The following SLC35B4 variants were observed in gnomAD, a reference collection of about 807,000 sequenced individuals.
SLC35B4 encodes solute carrier family 35 member B4.
SLC35B4 carries 28 observed loss-of-function variants against 39.5 expected under a neutral mutation model. That is an observed-to-expected ratio of 0.71 (90% CI 0.53 to 0.97). The LOEUF is 0.97. Among genes scored for constraint, SLC35B4 ranks in the 50% least tolerant of loss-of-function variants. SLC35B4 has a pLI of 0.00. For missense variants in SLC35B4, 334 were observed against 414.3 expected (o/e 0.81, Z 1.68); for synonymous variants, 145 against 150.4 (o/e 0.96, Z 0.26).
At position 134,302,065 on chromosome 7, in the gene SLC35B4, C is replaced by G. The variant is rs746691807; in HGVS notation, c.390G>C (p.Gly130=). 8 of 1,613,860 alleles carry G rather than the reference C, an allele frequency of 5.0e-6. No homozygotes were observed. Among genetic ancestry groups the G allele is most frequent in the Non-Finnish European group, 6.8e-6 (8 of 1,179,948 alleles). ...CTGACATAAAAGTGCAAATAAATAT[C>G]CCCACAGACACCAGGGCAATGGAGG... The part of the protein sequence containing the change: ...KYTSIALVSV[G]IFICTFMSAK... Residue 130 remains glycine (G), a synonymous_variant, in exon 5 of 10, where the codon GGG becomes GGC. Transcript: ENST00000378509.
At position 134,309,448 on chromosome 7, in the gene SLC35B4, A is replaced by T; in HGVS notation, c.109T>A (p.Phe37Ile). The T allele has an allele frequency of 6.2e-7, 1 of 1,611,126 alleles. No homozygotes were observed. The highest frequency in any genetic ancestry group is 8.5e-7 in the Non-Finnish European group (1 of 1,179,628). Residue 37 changes from phenylalanine to isoleucine, a missense_variant, in exon 2 of 10, where the codon TTT becomes ATT. Coordinates refer to ENST00000378509, the MANE Select transcript of SLC35B4 (RefSeq NM_032826.5). ...ACAGCAATAAATAAAAATTGTGCAAATGTCACAATGTTCCCACATCCTGGA... is the reference window on the plus strand; with the variant it reads ...ACAGCAATAAATAAAAATTGTGCAATTGTCACAATGTTCCCACATCCTGGA... ...KHPGCGNIVTFAQFLFIAVEG... is the reference protein window; with the variant it reads ...KHPGCGNIVTIAQFLFIAVEG...
rs192614143 is a variant in SLC35B4, at chr7:134,309,221, T to C, written c.191+145A>G. 1.3e-3 allele frequency: 773 copies of C among 575,504 alleles called. 1 individual carries two copies. The highest frequency in any genetic ancestry group is 2.3e-3 in the Admixed American group (66 of 28,810). The allele number at this position is 575,504 out of a possible 1,614,324, so 35.6% of individuals were successfully genotyped here. On this transcript the variant is annotated intron_variant, in intron 2 of 9. Coordinates refer to ENST00000378509, the MANE Select transcript of SLC35B4 (RefSeq NM_032826.5). ...AGGTACCCCGGATTTTCACAACATA[T>C]TAAATTCAGAAAATGACTTATTATT...
chr7:134,299,533 G>C lies in SLC35B4; in HGVS notation c.663C>G (p.Phe221Leu). ...ASDIYDHAVL[F>L]NKSELYEIPV... is the part of the protein sequence containing the mutation. ...TAACCCCAAACTCACCAGACTTATT[G>C]AATAGAACTGCATGGTCATAAATAT... Residue 221 changes from phenylalanine (F) to leucine (L), a missense_variant, in exon 8 of 10, where the codon TTC becomes TTG. Phe to Leu is a conservative substitution (Grantham distance 22, BLOSUM62 0). Coordinates refer to ENST00000378509, the MANE Select transcript of SLC35B4 (RefSeq NM_032826.5). 2 of 1,613,562 alleles carry C rather than the reference G, an allele frequency of 1.2e-6. No individual in the cohort carries two copies. The highest frequency in any genetic ancestry group is 2.2e-5 in the South Asian group (2 of 91,034).
At position 134,290,291 on chromosome 7, in the gene SLC35B4, G is replaced by C. The variant is rs1042992732; in HGVS notation, c.*4542C>G. On this transcript the variant is annotated 3_prime_UTR_variant, in exon 10 of 10. Transcript: ENST00000378509. The stretch of plus-strand genomic sequence containing the variant: ...CCCAATAGTCGTTCTTCCTTCTCTT[G>C]CTTGGAATGTTAAAAATGTTTCCCC... 3.9e-5 allele frequency: 6 copies of C among 152,072 alleles called. No individual in the cohort carries two copies. The highest frequency in any genetic ancestry group is 1.2e-4 in the African/African-American group (5 of 41,400). 9.4% of individuals were successfully genotyped at this position (152,072 alleles called of 1,614,324 possible). A position where few individuals can be genotyped will look rare whatever the true frequency, so the allele number is the denominator to read the frequency against.
upstream of SLC35B4, among the ~76,000 whole-genome samples, chr7:134,319,911 G>A (rs114800586): frequency 9.8e-3 from 1,489 of 151,952 alleles, 19 homozygotes; most frequent in African/African-American, 0.034. Flanking sequence ...CATTCCCATT[G>A]ACATCCACTT....
intron 6 of SLC35B4, 134 bp downstream of exon 6, chr7:134,301,627 T>C (rs1436745412): frequency 5.2e-6 from 4 of 776,500 alleles, no homozygotes; most frequent in Non-Finnish European, 8.6e-6. Context: ...CAGAGAAATA[T>C]GATCCCAGGT....
In SLC35B4 at chr7:134,295,024, C is replaced by T. The variant is rs752530751; in HGVS notation, c.805G>A (p.Val269Ile). ...TTGCGTAGGGTCACGACGAGCGTGA[C>T]GGTGAGGGAGGCGCATTCTGTGGTG... ...ILTTECASLT[V>I]TLVVTLRKFV... The change falls in exon 10 of 10, where the codon GTC becomes ATC. Residue 269 changes from valine to isoleucine, a missense_variant. Coordinates refer to ENST00000378509, the MANE Select transcript of SLC35B4 (RefSeq NM_032826.5). The T allele has an allele frequency of 4.3e-6, 7 of 1,614,006 alleles. No homozygotes were observed. The highest frequency in any genetic ancestry group is 2.2e-5 in the South Asian group (2 of 91,078).
chr7:134,312,517 G>A (rs1803868310), intron 1 of SLC35B4, among the ~76,000 whole-genome samples: 1 of 152,124 alleles, frequency 6.6e-6, no homozygotes, highest in South Asian at 2.1e-4. Flanking sequence ...TGATGGGACA[G>A]ACCATGTCCC....
chr7:134,314,515 G>A (rs1646676), intron 1 of SLC35B4, among the ~76,000 whole-genome samples: 73,707 of 152,054 alleles, frequency 0.48, 18,227 homozygotes, highest in Admixed American at 0.55. Context: ...TGGCTGGCCC[G>A]ATGGTATCAC....
At chr7:134,315,725 T>C (rs1361870962) in intron 1 of SLC35B4, among the ~76,000 whole-genome samples, 2 of 151,854 alleles carry the variant, frequency 1.3e-5, no homozygotes, top group South Asian at 4.2e-4. Flanking sequence ...TTGTAATGTA[T>C]AGATTCAGAA....
intron 3 of SLC35B4, among the ~76,000 whole-genome samples, chr7:134,305,491 T>G (rs1218861106): frequency 6.6e-6 from 1 of 152,172 alleles, no homozygotes; most frequent in Non-Finnish European, 1.5e-5. Context: ...TTTGCATATT[T>G]GTGGACCCAC....
rs1368037896 is a variant in SLC35B4 at position 134,299,721 on chromosome 7, G to C, written c.598-123C>G. ...CAGCAATACAAAGAAAAGCAAGTTA[G>C]ACTTAAGTTAAATGTATACAGTGCT... On this transcript the variant is annotated intron_variant, in intron 7 of 9. Coordinates refer to ENST00000378509, the MANE Select transcript of SLC35B4 (RefSeq NM_032826.5). 1.1e-5 allele frequency: 9 copies of C among 783,162 alleles called. No individual in the cohort carries two copies. The East Asian group carries it at 2.4e-4, about 21-fold the overall frequency. 48.5% of individuals were successfully genotyped at this position (783,162 alleles called of 1,614,324 possible). A position where few individuals can be genotyped will look rare whatever the true frequency, so the allele number is the denominator to read the frequency against.
At chr7:134,299,129 G>A (rs184639144) in intron 8 of SLC35B4, among the ~76,000 whole-genome samples, 1 of 152,234 alleles carries the variant, frequency 6.6e-6, no homozygotes, top group Non-Finnish European at 1.5e-5. Context: ...CTGGATCTGT[G>A]AGCAGCTCTG....
chr7:134,299,565 C>G lies in SLC35B4; in HGVS notation c.631G>C (p.Ala211Pro), dbSNP rs1803533560. 5.0e-6 allele frequency: 8 copies of G among 1,613,752 alleles called. No individual in the cohort carries two copies. Among genetic ancestry groups the G allele is most frequent in the Non-Finnish European group, 6.8e-6 (8 of 1,179,902 alleles). The change falls in exon 8 of 10, where the codon GCT becomes CCT. Residue 211 changes from alanine (A) to proline (P), a missense_variant. By Grantham distance (27) the Ala-to-Pro change is conservative. Transcript: ENST00000378509. ...ACTGCATGGTCATAAATATCAGAAG[C>G]CAAGAAGACGAAACCCGGAAGTGGA... ...ALPLPGFVFL[A>P]SDIYDHAVLF...
At position 134,316,907 on chromosome 7, in the gene SLC35B4, G is replaced by T. The variant is rs1803998782; in HGVS notation, c.-156C>A. 1 of 665,128 alleles carries T rather than the reference G, an allele frequency of 1.5e-6. No homozygotes were observed. Among genetic ancestry groups the T allele is most frequent in the East Asian group, 2.8e-5 (1 of 35,306 alleles). 41.2% of individuals were successfully genotyped at this position (665,128 alleles called of 1,614,324 possible). A position where few individuals can be genotyped will look rare whatever the true frequency, so the allele number is the denominator to read the frequency against. ...GGCCGCCGCGGTCTCCCCTTCTCCC[G>T]CGGCCAACACCGACGCTGCCAAGAA... On this transcript the variant is annotated 5_prime_UTR_variant, in exon 1 of 10. Coordinates refer to ENST00000378509, the MANE Select transcript of SLC35B4 (RefSeq NM_032826.5).
intron 1 of SLC35B4, among the ~76,000 whole-genome samples, chr7:134,312,064 T>C (rs1803857759): frequency 6.6e-6 from 1 of 152,064 alleles, no homozygotes; most frequent in Non-Finnish European, 1.5e-5. Flanking sequence ...TATTGTAGAG[T>C]AAATGAGCCA....
Position 134,299,604 on chromosome 7 carries a change from G to C in SLC35B4, c.598-6C>G. On this transcript the variant is annotated splice_region_variant and splice_polypyrimidine_tract_variant and intron_variant, in intron 7 of 9. Coordinates refer to ENST00000378509, the MANE Select transcript of SLC35B4 (RefSeq NM_032826.5). ...CCCGGAAGTGGAAGGGCGTGCTATG[G>C]AAAGAAACAGGTCAGATAAATGTAA... 6.2e-7 allele frequency: 1 copy of C among 1,611,790 alleles called. No homozygotes were observed. The highest frequency in any genetic ancestry group is 8.5e-7 in the Non-Finnish European group (1 of 1,178,158).
At chr7:134,297,552 T>C (rs1329574850) in intron 8 of SLC35B4, among the ~76,000 whole-genome samples, 1 of 151,850 alleles carries the variant, frequency 6.6e-6, no homozygotes, top group Non-Finnish European at 1.5e-5. Context: ...ACAAAAATCA[T>C]AGAGATTTTA....
At chr7:134,318,965 C>T (rs1292236836), upstream of SLC35B4, among the ~76,000 whole-genome samples, 1 of 152,218 alleles carries the variant, frequency 6.6e-6, no homozygotes, top group Non-Finnish European at 1.5e-5. Context: ...TGAGATTCTG[C>T]ATTTCTAAGT....
Sources: gnomAD v4.1 joint callset for allele counts (sites outside exome capture counted in the v4.1 genomes callset) on GRCh38, gnomAD v4.1.1 for gene constraint, MANE v1.5 for transcripts, NCBI Gene and HGNC (gene_info 2026-07-23, HGNC 2026-07-21) for gene names.